Variants in INPP5D observed in about 807,000 individuals in gnomAD.
INPP5D encodes inositol polyphosphate-5-phosphatase D.
A neutral mutation model predicts 122.9 loss-of-function variants in INPP5D; 33 were observed. The observed-to-expected ratio is 0.27, with a 90% confidence interval of 0.20 to 0.36. The LOEUF (loss-of-function observed/expected upper bound fraction) is 0.36. INPP5D is among the 10% of genes least tolerant of loss of function. The probability of loss-of-function intolerance (pLI) is 1.00; values close to 1 mark genes in which losing one functional copy is unlikely to be tolerated. For missense variants in INPP5D, 1,053 were observed against 1,412.7 expected, an observed-to-expected ratio of 0.75 and a Z score of 4.08; for synonymous variants, 584 against 576.2, an observed-to-expected ratio of 1.01 and a Z score of -0.19.
At chr2:233,119,819 C>T (rs562781995) in intron 2 of INPP5D, among the ~76,000 whole-genome samples, 11 of 152,346 alleles carry the variant, frequency 7.2e-5, no homozygotes, top group South Asian at 2.1e-4. Context: ...TGAGTCCTAA[C>T]CCTGCTCCCT....
At chr2:233,200,961 AAAATAAATAAAT>A (rs150813540) in intron 25 of INPP5D, among the ~76,000 whole-genome samples, 6,403 of 141,840 alleles carry the variant, frequency 0.045, 357 homozygotes, top group African/African-American at 0.13. Context: ...ACTCCATCTC[AAAATAAATAAAT>A]AAATAAATAA....
In INPP5D at chr2:233,159,336, G is replaced by A. The variant is rs138202645; in HGVS notation, c.1137+917G>A. On this transcript the variant is annotated intron_variant, in intron 10 of 26. Transcript: ENST00000445964. Reference sequence around the variant, plus strand: ...TTCATTGTTCTCTGCCATGCAGCTCGTGTGAGGCAGTAAAAATGGATTGCA... The same window carrying A: ...TTCATTGTTCTCTGCCATGCAGCTCATGTGAGGCAGTAAAAATGGATTGCA... 5.3e-3 allele frequency among the ~76,000 whole-genome samples: 813 copies of A among 152,292 alleles called. 9 individuals are homozygous for A. Among genetic ancestry groups the A allele is most frequent in the African/African-American group, 0.019 (774 of 41,570 alleles).
At chr2:233,064,349 G>A (rs1691153896) in intron 1 of INPP5D, among the ~76,000 whole-genome samples, 1 of 152,240 alleles carries the variant, frequency 6.6e-6, no homozygotes, top group South Asian at 2.1e-4. Flanking sequence ...CCCTCCACAT[G>A]TGGCCTTCCA....
intron 2 of INPP5D, among the ~76,000 whole-genome samples, chr2:233,119,649 T>C (rs1431500538): frequency 6.6e-6 from 1 of 152,162 alleles, no homozygotes; most frequent in East Asian, 1.9e-4. Flanking sequence ...CTTACATATG[T>C]GTGCAATGCA....
intron 1 of INPP5D, among the ~76,000 whole-genome samples, chr2:233,061,738 G>T (rs1691080047): frequency 6.6e-6 from 1 of 152,200 alleles, no homozygotes; most frequent in Non-Finnish European, 1.5e-5. Flanking sequence ...TGAGGCCCTG[G>T]CAGGTTAAGT....
chr2:233,201,235 G>A (rs1329805147), intron 25 of INPP5D, among the ~76,000 whole-genome samples: 1 of 152,170 alleles, frequency 6.6e-6, no homozygotes. Context: ...TGCCTGTGTG[G>A]CCACCTCTTT....
At chr2:233,171,308 ATG>A (rs1694489528) in intron 17 of INPP5D, 156 bp downstream of exon 17, 2 of 1,179,530 alleles carry the variant, frequency 1.7e-6, no homozygotes, top group African/African-American at 3.1e-5. Flanking sequence ...TACAGAGTAA[ATG>A]GGAAGCCACA....
Position 233,170,946 on chromosome 2 carries a change from G to GCCTTTCCAGCCATCCTTTCGTCC in INPP5D, c.1901-110_1901-88dup. 7.9e-7 allele frequency: 1 copy of GCCTTTCCAGCCATCCTTTCGTCC among 1,262,360 alleles called. No individual in the cohort carries two copies. The highest frequency in any genetic ancestry group is 1.5e-5 in the South Asian group (1 of 68,810). The allele number at this position is 1,262,360 out of a possible 1,614,324, so 78.2% of individuals were successfully genotyped here. A position where few individuals can be genotyped will look rare whatever the true frequency, so the allele number is the denominator to read the frequency against. On this transcript the variant is annotated intron_variant, in intron 16 of 26. Coordinates refer to ENST00000445964, the MANE Select transcript of INPP5D (RefSeq NM_001017915.3). This position sits in a 1 kb window ranked among gnomAD's most constrained non-coding sequence, Gnocchi z 4.5. Reference sequence around the variant, plus strand: ...AAAAGCAGCAGCCTCTCCTCTTGGAGCCTTTCCAGCCATCCTTTCGTCCCC... The same window carrying GCCTTTCCAGCCATCCTTTCGTCC: ...AAAAGCAGCAGCCTCTCCTCTTGGAGCCTTTCCAGCCATCCTTTCGTCCCCTTTCCAGCCATCCTTTCGTCCCC...
In INPP5D at chr2:233,170,532, C is replaced by G; in HGVS notation, c.1828C>G (p.Gln610Glu). 2 of 1,613,734 alleles carry G rather than the reference C, an allele frequency of 1.2e-6. No individual in the cohort carries two copies. The highest frequency in any genetic ancestry group is 1.7e-6 in the Non-Finnish European group (2 of 1,179,792). The change falls in exon 16 of 27, where the codon CAG becomes GAG. Residue 610 changes from glutamine (Q) to glutamate (E), a missense_variant. By Grantham distance (29) the Gln-to-Glu change is conservative (BLOSUM62 2). Transcript: ENST00000445964. The surrounding 1 kb of genome is among the most constrained non-coding windows in gnomAD (Gnocchi z 4.5). ...CATCATCCAGAAAATCAAGCAGCAG[C>G]AGTACGCAGACCTCCTGTCCCACGA... ...ETIIQKIKQQ[Q>E]YADLLSHDQL...
At chr2:233,195,753 G>T (rs569571873) in intron 24 of INPP5D, among the ~76,000 whole-genome samples, 41 of 152,294 alleles carry the variant, frequency 2.7e-4, no homozygotes, top group Non-Finnish European at 5.4e-4. Flanking sequence ...GATTGCTTGA[G>T]GTCAGGAGTT....
At chr2:233,092,231 AG>A (rs1186903503) in intron 2 of INPP5D, among the ~76,000 whole-genome samples, 1 of 152,234 alleles carries the variant, frequency 6.6e-6, no homozygotes, top group Non-Finnish European at 1.5e-5. Context: ...CTGCCCCCTC[AG>A]GCAGCTTCTC....
intron 9 of INPP5D, among the ~76,000 whole-genome samples, chr2:233,157,372 G>A (rs1166049535): frequency 6.6e-6 from 1 of 152,132 alleles, no homozygotes; most frequent in Non-Finnish European, 1.5e-5. Flanking sequence ...CAAAGGAACT[G>A]ATGAAAGTAG....
chr2:233,149,710 C>T (rs1396529004), intron 9 of INPP5D, among the ~76,000 whole-genome samples: 1 of 152,188 alleles, frequency 6.6e-6, no homozygotes, highest in Non-Finnish European at 1.5e-5. Flanking sequence ...GCAAGTAGCC[C>T]AGTCTTGAGT....
Position 233,165,383 on chromosome 2 carries a change from T to C in INPP5D, c.1555+959T>C, listed in dbSNP as rs968639253. Reference sequence around the variant, plus strand: ...CTGTATGTGTGAGTCCATGCATGTGTGTTTGTGTGTGTTTATGTGAGTCTA... The same window carrying C: ...CTGTATGTGTGAGTCCATGCATGTGCGTTTGTGTGTGTTTATGTGAGTCTA... On this transcript the variant is annotated intron_variant, in intron 13 of 26. Transcript: ENST00000445964. Among the ~76,000 whole-genome samples, 4 of 150,848 alleles carry C rather than the reference T, an allele frequency of 2.7e-5. No homozygotes were observed. In the East Asian group the frequency reaches 7.7e-4, roughly 29 times the overall value.
intron 9 of INPP5D, among the ~76,000 whole-genome samples, chr2:233,154,191 C>A (rs1211912824): frequency 6.6e-6 from 1 of 152,162 alleles, no homozygotes; most frequent in Non-Finnish European, 1.5e-5. Flanking sequence ...TCTTGTGGCC[C>A]AGGCTGGAGT....
chr2:233,114,776 C>T (rs1692737455), intron 2 of INPP5D, among the ~76,000 whole-genome samples: 1 of 152,224 alleles, frequency 6.6e-6, no homozygotes, highest in African/African-American at 2.4e-5. Flanking sequence ...GTGGTGTTTT[C>T]ACCGTCCTCT....
At position 233,064,844 on chromosome 2, in the gene INPP5D, T is replaced by A. The variant is rs369113740; in HGVS notation, c.134+4232T>A. ...GTTGGAAAGCTGTGGTGTGAGCGGG[T>A]GGCTAAGTCTCCCTTTCGAAGCTTC... On this transcript the variant is annotated intron_variant, in intron 1 of 26. Transcript: ENST00000445964. Among the ~76,000 whole-genome samples the A allele has an allele frequency of 2.0e-5, 3 of 152,190 alleles. No homozygotes were observed. In the South Asian group the frequency reaches 6.2e-4, roughly 31 times the overall value.
intron 1 of INPP5D, among the ~76,000 whole-genome samples, chr2:233,062,251 AC>A (rs1691096728): frequency 6.6e-6 from 1 of 152,166 alleles, no homozygotes; most frequent in Admixed American, 6.5e-5. Flanking sequence ...TTAACCTTCA[AC>A]ACAGCCCTTT....
Position 233,170,310 on chromosome 2 carries a change from T to C in INPP5D, c.1791+146T>C, listed in dbSNP as rs537942664. On this transcript the variant is annotated intron_variant, in intron 15 of 26. Coordinates refer to ENST00000445964, the MANE Select transcript of INPP5D (RefSeq NM_001017915.3). This position sits in a 1 kb window ranked among gnomAD's most constrained non-coding sequence, Gnocchi z 4.5. ...CTTGGGGGCTCAACGCTGTTTCCAT[T>C]ACTGAGCCTCAGCCGCTCCTCACGG... 6.7e-7 allele frequency: 1 copy of C among 1,487,666 alleles called. No homozygotes were observed. The highest frequency in any genetic ancestry group is 1.3e-5 in the South Asian group (1 of 74,588). 92.2% of individuals were successfully genotyped at this position (1,487,666 alleles called of 1,614,324 possible).
Sources: gnomAD v4.1 joint callset for allele counts (sites outside exome capture counted in the v4.1 genomes callset) on GRCh38, gnomAD v4.1.1 for gene constraint, Gnocchi (gnomAD v3.1) non-coding constraint, MANE v1.5 for transcripts, NCBI Gene and HGNC (gene_info 2026-07-23, HGNC 2026-07-21) for gene names.